Variants in AFF3 observed in about 807,000 individuals in gnomAD.
AFF3 encodes AF4/FMR2 family member 3.
In AFF3, 32 loss-of-function variants were observed where a neutral mutation model predicts 129.7. That is an observed-to-expected ratio of 0.25 (90% CI 0.19 to 0.33). AFF3 has a LOEUF of 0.33. Among genes scored for constraint, AFF3 ranks in the 10% least tolerant of loss-of-function variants. AFF3 has a pLI of 1.00. For synonymous variants in AFF3, 644 were observed against 635.4 expected (o/e 1.01, Z -0.20); for missense variants, 1,373 against 1,592.0 (o/e 0.86, Z 2.34).
chr2:99,562,857 C>T (rs1675596969), intron 20 of AFF3, among the ~76,000 whole-genome samples: 1 of 152,194 alleles, frequency 6.6e-6, no homozygotes, highest in Non-Finnish European at 1.5e-5. Flanking sequence ...CAGAGCCTTT[C>T]TGATACTATT....
rs985242888 is a variant in AFF3 at position 99,549,720 on chromosome 2, C to G, written c.*1754G>C. On this transcript the variant is annotated 3_prime_UTR_variant, in exon 25 of 25. Transcript: ENST00000672756. Reference sequence around the variant, plus strand: ...AGCCCTTCTTATTTTCAATTAATTTCAAATCATCTAAGTTGTTCAGTCATT... The same window carrying G: ...AGCCCTTCTTATTTTCAATTAATTTGAAATCATCTAAGTTGTTCAGTCATT... 9.2e-6 allele frequency: 2 copies of G among 216,646 alleles called. No homozygotes were observed. Among genetic ancestry groups the G allele is most frequent in the Non-Finnish European group, 1.9e-5 (2 of 107,702 alleles). The allele number at this position is 216,646 out of a possible 1,614,324, so 13.4% of individuals were successfully genotyped here. A position where few individuals can be genotyped will look rare whatever the true frequency, so the allele number is the denominator to read the frequency against.
chr2:99,742,052 G>T (rs1680765492), intron 10 of AFF3, among the ~76,000 whole-genome samples: 2 of 152,218 alleles, frequency 1.3e-5, no homozygotes, highest in African/African-American at 4.8e-5. Flanking sequence ...TTTGGAGAAA[G>T]ATTTATTTAA....
chr2:99,674,087 G>C (rs574846243), intron 11 of AFF3, among the ~76,000 whole-genome samples: 15 of 152,312 alleles, frequency 9.8e-5, no homozygotes, highest in South Asian at 4.2e-4. Flanking sequence ...TTAAGGCATT[G>C]CCATCAGGGC....
intron 13 of AFF3, among the ~76,000 whole-genome samples, chr2:99,618,269 T>C: frequency 7.5e-6 from 1 of 132,938 alleles, no homozygotes. Flanking sequence ...AGAGTCTTGC[T>C]CTGTCACCCA....
At chr2:99,877,165 T>A (rs999086519) in intron 7 of AFF3, among the ~76,000 whole-genome samples, 3 of 152,158 alleles carry the variant, frequency 2.0e-5, no homozygotes, top group Admixed American at 6.5e-5. Flanking sequence ...TTAAGGACAA[T>A]CATGGGAATC....
At chr2:99,692,497 G>C (rs1469346347) in intron 11 of AFF3, among the ~76,000 whole-genome samples, 1 of 152,158 alleles carries the variant, frequency 6.6e-6, no homozygotes, top group Non-Finnish European at 1.5e-5. Context: ...GCTGATGAAG[G>C]GCCTGGAAGA....
chr2:99,672,114 T>C (rs1687193402), intron 12 of AFF3, among the ~76,000 whole-genome samples: 1 of 150,624 alleles, frequency 6.6e-6, no homozygotes, highest in South Asian at 2.1e-4. Context: ...ATGTTACGGA[T>C]TGCCTGTTGC....
At chr2:99,905,931 C>T (rs915995657) in intron 7 of AFF3, among the ~76,000 whole-genome samples, 1 of 152,016 alleles carries the variant, frequency 6.6e-6, no homozygotes, top group Non-Finnish European at 1.5e-5. Flanking sequence ...TTTTAATTCC[C>T]TGTGTTTGAT....
At chr2:99,939,141 TAAGA>T (rs770440068) in intron 7 of AFF3, among the ~76,000 whole-genome samples, 6 of 152,208 alleles carry the variant, frequency 3.9e-5, no homozygotes, top group Non-Finnish European at 8.8e-5. Context: ...ATTTTATGGC[TAAGA>T]AAGAAAGGAA....
intron 7 of AFF3, among the ~76,000 whole-genome samples, chr2:99,918,167 T>G (rs1190357286): frequency 6.6e-6 from 1 of 152,146 alleles, no homozygotes; most frequent in Non-Finnish European, 1.5e-5. Context: ...TATGGTGCAT[T>G]TTTCCCCCTG....
chr2:99,755,563 G>A (rs770480839), intron 8 of AFF3, among the ~76,000 whole-genome samples: 10 of 152,238 alleles, frequency 6.6e-5, no homozygotes, highest in Non-Finnish European at 8.8e-5. Flanking sequence ...CACCGCGCCC[G>A]GCCCCTATTG....
At chr2:99,838,550 C>T (rs935799546) in intron 7 of AFF3, among the ~76,000 whole-genome samples, 2 of 152,164 alleles carry the variant, frequency 1.3e-5, no homozygotes, top group African/African-American at 4.8e-5. Flanking sequence ...CCACCCTGAC[C>T]CTAGAGTGCT....
At chr2:99,786,910 C>T (rs1684838437) in intron 8 of AFF3, among the ~76,000 whole-genome samples, 1 of 152,080 alleles carries the variant, frequency 6.6e-6, no homozygotes, top group South Asian at 2.1e-4. Flanking sequence ...GCTTCTCATA[C>T]CATCTTAGCT....
In AFF3 at chr2:99,593,269, C is replaced by G. The variant is rs754876824; in HGVS notation, c.2392G>C (p.Glu798Gln). The change falls in exon 15 of 25, where the codon GAG (glutamate) becomes CAG (glutamine). Residue 798 changes from glutamate (E) to glutamine (Q), a missense_variant. Glu to Gln is a conservative substitution (Grantham distance 29, BLOSUM62 2). This residue lies in a region of AFF3 where 466 missense variants were observed against 505.0 expected (regional missense o/e 0.92). Coordinates refer to ENST00000672756, the MANE Select transcript of AFF3 (RefSeq NM_001386135.1). ...VLSAPATKDS[E>Q]SAPPSHTSDT... ...GAGGTGTGGCTGGGCGGTGCGCTCT[C>G]AGAGTCCTTGGTGGCAGGGGCGCTC... 4 of 1,613,572 alleles carry G rather than the reference C, an allele frequency of 2.5e-6. No individual in the cohort carries two copies. In the Admixed American group the frequency reaches 5.0e-5, roughly 20 times the overall value.
chr2:99,991,319 T>A (rs1039925826), intron 7 of AFF3, among the ~76,000 whole-genome samples: 2 of 152,228 alleles, frequency 1.3e-5, no homozygotes, highest in Non-Finnish European at 2.9e-5. Context: ...TCTTGCCATG[T>A]TTGGGTCTTA....
chr2:99,753,837 A>G (rs1355964934), intron 8 of AFF3, among the ~76,000 whole-genome samples: 1 of 152,204 alleles, frequency 6.6e-6, no homozygotes, highest in Non-Finnish European at 1.5e-5. Context: ...TACATCACAA[A>G]GCAAAGCAAA....
chr2:99,935,982 C>T (rs1674488173), intron 7 of AFF3, among the ~76,000 whole-genome samples: 1 of 152,160 alleles, frequency 6.6e-6, no homozygotes, highest in African/African-American at 2.4e-5. Context: ...AAGGGAGTTT[C>T]ATGATGAATC....
intron 8 of AFF3, among the ~76,000 whole-genome samples, chr2:99,771,630 A>G (rs1683500010): frequency 6.6e-6 from 1 of 152,212 alleles, no homozygotes; most frequent in Middle Eastern, 3.2e-3. Flanking sequence ...GATTCCCCCA[A>G]TATTTCAAAG....
chr2:99,595,467 T>C (rs557850188), intron 14 of AFF3, among the ~76,000 whole-genome samples: 20 of 152,342 alleles, frequency 1.3e-4, no homozygotes, highest in African/African-American at 4.3e-4. Flanking sequence ...CTTAGCTCCA[T>C]ACTTCAAGCT....
Sources: gnomAD v4.1 joint callset for allele counts (sites outside exome capture counted in the v4.1 genomes callset) on GRCh38, gnomAD v4.1.1 for gene constraint, gnomAD v4.1.1 regional missense constraint, MANE v1.5 for transcripts, NCBI Gene and HGNC (gene_info 2026-07-23, HGNC 2026-07-21) for gene names.